The following ZYG11B variants were observed in gnomAD, a reference collection of about 807,000 sequenced individuals.
ZYG11B encodes zyg-11 family member B, cell cycle regulator, also known as protein zyg-11 homolog B.
Under a neutral mutation model 82.4 loss-of-function variants are expected in ZYG11B, and 36 were observed. That is an observed-to-expected ratio of 0.44 (90% confidence interval 0.33 to 0.58). The LOEUF (loss-of-function observed/expected upper bound fraction) is 0.58. Among genes scored for constraint, ZYG11B ranks in the 20% least tolerant of loss-of-function variants. The probability of loss-of-function intolerance (pLI) is 0.02; values close to 1 mark genes in which losing one functional copy is unlikely to be tolerated. For missense variants in ZYG11B, 552 were observed against 895.6 expected (o/e 0.62, Z 4.90); for synonymous variants, 303 against 312.8 (o/e 0.97, Z 0.33).
chr1:52,771,247 G>A lies in ZYG11B; in HGVS notation c.424G>A (p.Val142Met). The change falls in exon 3 of 14, where the codon GTG becomes ATG. Residue 142 changes from valine (V) to methionine (M), a missense_variant. Physicochemically the swap from Val to Met is conservative, Grantham distance 21. Around this residue, in one of 3 missense-constraint regions of ZYG11B, gnomAD observed 359 missense variants for 555.8 expected, o/e 0.65. Coordinates refer to ENST00000294353, the MANE Select transcript of ZYG11B (RefSeq NM_024646.3). The surrounding 1 kb of genome is among the most constrained non-coding windows in gnomAD (Gnocchi z 5.4). ...KWIQQNLQCL[V>M]LNSLTLSLED... Reference sequence around the variant, plus strand: ...GATCCAGCAGAATCTCCAGTGCCTGGTGCTGAATTCATTAACTCTCTCCCT... The same window carrying A: ...GATCCAGCAGAATCTCCAGTGCCTGATGCTGAATTCATTAACTCTCTCCCT... 6.2e-7 allele frequency: 1 copy of A among 1,614,200 alleles called. No homozygotes were observed. Among genetic ancestry groups the A allele is most frequent in the Non-Finnish European group, 8.5e-7 (1 of 1,180,032 alleles).
rs1645311900 is a variant in ZYG11B, at chr1:52,824,838, T to C, written c.*3209T>C. ...GTAGCCAGTATCTATAGTTAGAATC[T>C]ACAAGGCCTCCTTTTTGCACCTGTA... is the stretch of plus-strand genomic sequence containing the variant. On this transcript the variant is annotated 3_prime_UTR_variant, in exon 14 of 14. Coordinates refer to ENST00000294353, the MANE Select transcript of ZYG11B (RefSeq NM_024646.3). 1 of 152,086 alleles carries C rather than the reference T, an allele frequency of 6.6e-6. No individual in the cohort carries two copies. The highest frequency in any genetic ancestry group is 1.5e-5 in the Non-Finnish European group (1 of 68,014). 9.4% of individuals were successfully genotyped at this position (152,086 alleles called of 1,614,324 possible). A position where few individuals can be genotyped will look rare whatever the true frequency, so the allele number is the denominator to read the frequency against.
At chr1:52,817,222 G>A (rs1232953529) in intron 13 of ZYG11B, among the ~76,000 whole-genome samples, 1 of 152,162 alleles carries the variant, frequency 6.6e-6, no homozygotes, top group East Asian at 1.9e-4. Flanking sequence ...GAGTCCATTT[G>A]TTGAGTAAAA....
chr1:52,749,966 A>G (rs371877312), intron 1 of ZYG11B, among the ~76,000 whole-genome samples: 61 of 152,272 alleles, frequency 4.0e-4, no homozygotes, highest in African/African-American at 1.1e-3. Context: ...TTGAGGTGCA[A>G]TTCCCTGTAG....
chr1:52,751,355 C>G, intron 1 of ZYG11B, among the ~76,000 whole-genome samples: 1 of 150,046 alleles, frequency 6.7e-6, no homozygotes, highest in East Asian at 2.0e-4. Context: ...AAATAGCCAG[C>G]GCGGTGGCTC....
At chr1:52,783,805 T>TATATATATATATATATATACACAC (rs74185908) in intron 4 of ZYG11B, among the ~76,000 whole-genome samples, 3 of 135,018 alleles carry the variant, frequency 2.2e-5, no homozygotes, top group African/African-American at 8.5e-5. Flanking sequence ...TATATATATA[T>TATATATATATATATATATACACAC]ACACACACAC....
intron 1 of ZYG11B, among the ~76,000 whole-genome samples, chr1:52,750,522 C>T (rs10888753): frequency 0.47 from 71,996 of 151,910 alleles, 17,419 homozygotes; most frequent in East Asian, 0.62. Context: ...ATCTGCCTGC[C>T]TTGGCCTCTC....
At chr1:52,791,589 G>A (rs766936262) in intron 6 of ZYG11B, among the ~76,000 whole-genome samples, 21 of 148,210 alleles carry the variant, frequency 1.4e-4, no homozygotes, top group African/African-American at 3.2e-4. Flanking sequence ...GGCTGGTCTC[G>A]AACTCCTGAC....
intron 1 of ZYG11B, among the ~76,000 whole-genome samples, chr1:52,727,666 A>G (rs1003528283): frequency 3.9e-5 from 6 of 152,176 alleles, no homozygotes. Context: ...AGGTTGTGAC[A>G]GTCTCTTTAA....
intron 6 of ZYG11B, among the ~76,000 whole-genome samples, chr1:52,796,045 G>T (rs1288448778): frequency 2.0e-5 from 3 of 152,144 alleles, no homozygotes; most frequent in Non-Finnish European, 4.4e-5. Flanking sequence ...TATAATTCTA[G>T]AAGATGAAAT....
chr1:52,803,115 TATACAC>T (rs1645096065), intron 10 of ZYG11B, among the ~76,000 whole-genome samples: 3 of 58,336 alleles, frequency 5.1e-5, no homozygotes, highest in Non-Finnish European at 8.3e-5. Context: ...TATATATATA[TATACAC>T]ACATATATAT....
At chr1:52,815,346 TA>T (rs1332182162) in intron 12 of ZYG11B, among the ~76,000 whole-genome samples, 1 of 151,646 alleles carries the variant, frequency 6.6e-6, no homozygotes, top group African/African-American at 2.4e-5. Flanking sequence ...TACTAAAAAA[TA>T]AAAAAACCTG....
chr1:52,786,599 A>G (rs1380727909), intron 5 of ZYG11B, among the ~76,000 whole-genome samples: 2 of 152,120 alleles, frequency 1.3e-5, no homozygotes, highest in Non-Finnish European at 2.9e-5. Flanking sequence ...TAATAAAAAA[A>G]TTAACCTGGC....
At chr1:52,730,513 G>T (rs1644321476) in intron 1 of ZYG11B, among the ~76,000 whole-genome samples, 1 of 152,090 alleles carries the variant, frequency 6.6e-6, no homozygotes, top group African/African-American at 2.4e-5. Flanking sequence ...TTTTTGTGTA[G>T]AGAAGAGATC....
At position 52,756,447 on chromosome 1, in the gene ZYG11B, T is replaced by C. The variant is rs141562897; in HGVS notation, c.31-11T>C. On this transcript the variant is annotated splice_polypyrimidine_tract_variant and intron_variant, in intron 1 of 13. Coordinates refer to ENST00000294353, the MANE Select transcript of ZYG11B (RefSeq NM_024646.3). ...TTTGTGTTTCTTTTATATTTTTCCCTGGGCTCCAAGGAGGAGGCGTCTCCC... is the reference window on the plus strand; with the variant it reads ...TTTGTGTTTCTTTTATATTTTTCCCCGGGCTCCAAGGAGGAGGCGTCTCCC... 4.2e-4 allele frequency: 666 copies of C among 1,596,216 alleles called. 5 individuals carry two copies. The African/African-American group carries it at 7.9e-3, about 19-fold the overall frequency.
chr1:52,749,289 A>T (rs1292734825), intron 1 of ZYG11B, among the ~76,000 whole-genome samples: 7 of 152,176 alleles, frequency 4.6e-5, no homozygotes, highest in Non-Finnish European at 1.0e-4. Flanking sequence ...CTGAGATGTG[A>T]AAATATCTGT....
At chr1:52,737,449 A>G (rs961799742) in intron 1 of ZYG11B, among the ~76,000 whole-genome samples, 2 of 152,140 alleles carry the variant, frequency 1.3e-5, no homozygotes, top group African/African-American at 4.8e-5. Flanking sequence ...AGTGCTTGAC[A>G]TGTAGTAAGT....
rs1470419851 is a variant in ZYG11B at position 52,793,549 on chromosome 1, G to GT, written c.1335-2742dup. 8.5e-5 allele frequency among the ~76,000 whole-genome samples: 13 copies of GT among 152,134 alleles called. 1 individual carries two copies. The highest frequency in any genetic ancestry group is 8.5e-4 in the Admixed American group (13 of 15,274). On this transcript the variant is annotated intron_variant, in intron 6 of 13. Transcript: ENST00000294353. ...TATTGGAATCCAAGCTGACTCCAAA[G>GT]TGTATGATGTTCTTAACAACTTGAC... is the stretch of plus-strand genomic sequence containing the variant.
intron 3 of ZYG11B, among the ~76,000 whole-genome samples, chr1:52,775,964 C>T (rs1345556175): frequency 2.0e-5 from 3 of 151,758 alleles, no homozygotes; most frequent in Admixed American, 6.6e-5. Context: ...GCCTGTAATC[C>T]CAGTGCTTTG....
chr1:52,820,117 C>T (rs185296403), intron 13 of ZYG11B, among the ~76,000 whole-genome samples: 71 of 150,736 alleles, frequency 4.7e-4, no homozygotes, highest in African/African-American at 1.6e-3. Flanking sequence ...GGTTTCACCA[C>T]GTTAGCCAGG....
Sources: gnomAD v4.1 joint callset for allele counts (sites outside exome capture counted in the v4.1 genomes callset) on GRCh38, gnomAD v4.1.1 for gene constraint, gnomAD v4.1.1 regional missense constraint, Gnocchi (gnomAD v3.1) non-coding constraint, MANE v1.5 for transcripts, NCBI Gene and HGNC (gene_info 2026-07-23, HGNC 2026-07-21) for gene names.